ADAM17: variants seen among roughly 807,000 people sequenced by gnomAD.
ADAM17 encodes disintegrin and metalloproteinase domain-containing protein 17.
Under a neutral mutation model 96.7 loss-of-function variants are expected in ADAM17, and 39 were observed. The ratio of observed to expected loss-of-function variants is 0.40; its 90% CI spans 0.31 to 0.53. The LOEUF is 0.53. ADAM17 is among the 20% of genes least tolerant of loss of function. The probability of loss-of-function intolerance (pLI) is 0.44; values close to 1 mark genes in which losing one functional copy is unlikely to be tolerated. For missense variants in ADAM17, 777 were observed against 1,013.2 expected, an observed-to-expected ratio of 0.77 and a Z score of 3.17; for synonymous variants, 344 against 359.2, an observed-to-expected ratio of 0.96 and a Z score of 0.48.
Position 9,488,642 on chromosome 2 carries a change from TC to T in ADAM17, c.*1534del, listed in dbSNP as rs1052457509. The T allele has an allele frequency of 1.1e-4, 21 of 197,136 alleles. 1 individual carries two copies. Among genetic ancestry groups the T allele is most frequent in the East Asian group, 6.3e-4 (5 of 7,948 alleles). 12.2% of individuals were successfully genotyped at this position (197,136 alleles called of 1,614,324 possible). A position where few individuals can be genotyped will look rare whatever the true frequency, so the allele number is the denominator to read the frequency against. On this transcript the variant is annotated 3_prime_UTR_variant, in exon 19 of 19. Transcript: ENST00000310823. ...TTCTTACATTCTTTTGAGAACTGTT[TC>T]ACTCATACATACACCCACACACCCC...
chr2:9,523,426 A>G (rs957415089), intron 6 of ADAM17, 88 bp from the exon 7 acceptor site: 1 of 1,224,406 alleles, frequency 8.2e-7, no homozygotes, highest in Non-Finnish European at 1.2e-6. Context: ...GAAAGAAAAA[A>G]TCTCAGTTTA....
At chr2:9,497,891 ATATATT>A (rs1662726483) in intron 13 of ADAM17, among the ~76,000 whole-genome samples, 1 of 152,090 alleles carries the variant, frequency 6.6e-6, no homozygotes, top group Admixed American at 6.6e-5. Flanking sequence ...ATTTATATAT[ATATATT>A]TAATGTTATT....
At chr2:9,551,343 T>A (rs934506297) in intron 1 of ADAM17, among the ~76,000 whole-genome samples, 1 of 152,230 alleles carries the variant, frequency 6.6e-6, no homozygotes, top group Admixed American at 6.5e-5. Flanking sequence ...TCCAAAATGC[T>A]TGAGACCAGA....
chr2:9,524,426 G>A (rs1290194847), intron 6 of ADAM17, among the ~76,000 whole-genome samples: 1 of 152,060 alleles, frequency 6.6e-6, no homozygotes, highest in Non-Finnish European at 1.5e-5. Flanking sequence ...GGCAATAGAG[G>A]CTGCAGCAAG....
intron 15 of ADAM17, 47 bp from the exon 16 acceptor site, chr2:9,493,872 A>G: frequency 6.7e-7 from 1 of 1,484,654 alleles, no homozygotes; most frequent in Non-Finnish European, 9.4e-7. Context: ...AACACAATGT[A>G]TTCAGAAGCA....
chr2:9,530,211 C>G (rs1664683439), intron 4 of ADAM17, among the ~76,000 whole-genome samples: 1 of 152,178 alleles, frequency 6.6e-6, no homozygotes, highest in Non-Finnish European at 1.5e-5. Context: ...TAGTAAAGTT[C>G]ATTTAGCCTA....
Position 9,505,150 on chromosome 2 carries a change from T to TG in ADAM17, c.1544+15dup, listed in dbSNP as rs1205945789. 6.2e-7 allele frequency: 1 copy of TG among 1,613,836 alleles called. No individual in the cohort carries two copies. The highest frequency in any genetic ancestry group is 1.3e-5 in the African/African-American group (1 of 74,938). Reference sequence around the variant, plus strand: ...TTATACCAACTTCCCAAAATCCCTGTGGAGAGACTCCTCACCTGCACTGGA... The same window carrying TG: ...TTATACCAACTTCCCAAAATCCCTGTGGGAGAGACTCCTCACCTGCACTGGA... On this transcript the variant is annotated intron_variant, in intron 12 of 18. Coordinates refer to ENST00000310823, the MANE Select transcript of ADAM17 (RefSeq NM_003183.6).
In ADAM17 at chr2:9,532,560, C is replaced by A. The variant is rs571110012; in HGVS notation, c.450+3274G>T. On this transcript the variant is annotated intron_variant, in intron 4 of 18. Coordinates refer to ENST00000310823, the MANE Select transcript of ADAM17 (RefSeq NM_003183.6). ...AATCTCAGCTCACTGCAGTCTCCGC[C>A]TTCCGAATTCAACTGATCCTACTGC... 2.6e-5 allele frequency among the ~76,000 whole-genome samples: 4 copies of A among 152,184 alleles called. No individual in the cohort carries two copies. In the East Asian group the frequency reaches 7.7e-4, roughly 29 times the overall value.
chr2:9,537,664 G>A (rs1665013106), intron 2 of ADAM17, among the ~76,000 whole-genome samples: 3 of 151,798 alleles, frequency 2.0e-5, no homozygotes, highest in Admixed American at 1.3e-4. Context: ...CCCGGGAGGC[G>A]GAGCCTGCTG....
intron 18 of ADAM17, 42 bp from the exon 19 acceptor site, chr2:9,490,560 T>C: frequency 6.4e-7 from 1 of 1,552,120 alleles, no homozygotes; most frequent in Non-Finnish European, 8.7e-7. Flanking sequence ...GAATAAAAGA[T>C]GAATCGGAGG....
intron 2 of ADAM17, among the ~76,000 whole-genome samples, chr2:9,540,088 T>C (rs1412124918): frequency 1.3e-5 from 2 of 152,214 alleles, no homozygotes; most frequent in African/African-American, 2.4e-5. Flanking sequence ...TCTACGAAAC[T>C]TGAAAGAGAA....
intron 8 of ADAM17, among the ~76,000 whole-genome samples, chr2:9,520,147 G>A (rs569388561): frequency 1.3e-5 from 2 of 152,288 alleles, no homozygotes; most frequent in African/African-American, 4.8e-5. Context: ...CACCATACCT[G>A]GACTAGCCCA....
At chr2:9,554,092 C>A (rs1665668411) in intron 1 of ADAM17, among the ~76,000 whole-genome samples, 1 of 152,066 alleles carries the variant, frequency 6.6e-6, no homozygotes, top group South Asian at 2.1e-4. Context: ...AAAAACCTTA[C>A]GATCTGCAAA....
At chr2:9,513,848 C>G (rs1452389505) in intron 10 of ADAM17, among the ~76,000 whole-genome samples, 2 of 151,966 alleles carry the variant, frequency 1.3e-5, no homozygotes, top group East Asian at 3.9e-4. Context: ...CCCATCTCTA[C>G]TAAAAATACA....
intron 10 of ADAM17, among the ~76,000 whole-genome samples, chr2:9,514,512 AATATAAATATATATATAT>A (rs1156585982): frequency 5.6e-5 from 5 of 89,240 alleles, no homozygotes; most frequent in African/African-American, 2.1e-4. Context: ...TTAAATTTAA[AATATAAATATATATATAT>A]ATATATATAT....
intron 6 of ADAM17, among the ~76,000 whole-genome samples, chr2:9,524,754 C>A (rs943446533): frequency 5.9e-5 from 9 of 152,200 alleles, no homozygotes; most frequent in Non-Finnish European, 7.4e-5. Context: ...AGGTTCATTT[C>A]AGCAACCCTC....
At chr2:9,492,320 G>T (rs1296915523) in intron 17 of ADAM17, among the ~76,000 whole-genome samples, 1 of 152,184 alleles carries the variant, frequency 6.6e-6, no homozygotes, top group Non-Finnish European at 1.5e-5. Context: ...ATTTATAAAG[G>T]ACCAGGAGTT....
At chr2:9,514,634 G>C (rs1663961918) in intron 10 of ADAM17, among the ~76,000 whole-genome samples, 1 of 147,826 alleles carries the variant, frequency 6.8e-6, no homozygotes, top group Non-Finnish European at 1.5e-5. Context: ...AACACTTTGG[G>C]AGGCCAAGGC....
At chr2:9,527,271 G>A (rs1012924601) in intron 5 of ADAM17, among the ~76,000 whole-genome samples, 8 of 146,814 alleles carry the variant, frequency 5.4e-5, no homozygotes, top group African/African-American at 1.3e-4. Context: ...GCAGTGAGCC[G>A]AGATCGCGCT....
Sources: allele counts gnomAD v4.1 joint callset (sites outside exome capture counted in the v4.1 genomes callset), GRCh38; gene constraint gnomAD v4.1.1; transcripts MANE v1.5; gene names NCBI Gene and HGNC (gene_info 2026-07-23, HGNC 2026-07-21).